The following ATXN1 variants were observed in gnomAD, a reference collection of about 807,000 sequenced individuals.
ATXN1 encodes ataxin-1.
A neutral mutation model predicts 56.4 loss-of-function variants in ATXN1; 8 were observed. The ratio of observed to expected loss-of-function variants is 0.14; its 90% CI spans 0.08 to 0.26. ATXN1 has a LOEUF of 0.26. Among genes scored for constraint, ATXN1 ranks in the 10% least tolerant of loss-of-function variants. ATXN1 has a pLI of 1.00. For synonymous variants in ATXN1, 514 were observed against 494.6 expected (o/e 1.04, Z -0.52); for missense variants, 987 against 1,106.5 (o/e 0.89, Z 1.53).
rs1758213547 is a variant in ATXN1 at position 16,385,236 on chromosome 6, T to C, written c.-160-56766A>G. On this transcript the variant is annotated intron_variant, in intron 6 of 7. Coordinates refer to ENST00000436367, the MANE Select transcript of ATXN1 (RefSeq NM_001128164.2). ...CGAGTGCCCTTCTCTCCCCAAGATA[T>C]CTCTTGAAGGTATGGAGAATCTCAG... is the stretch of plus-strand genomic sequence containing the variant. Among the ~76,000 whole-genome samples the C allele has an allele frequency of 2.6e-5, 4 of 152,056 alleles. No homozygotes were observed. In the South Asian group the frequency reaches 6.2e-4, roughly 24 times the overall value.
At chr6:16,472,570 A>G (rs79748348) in intron 6 of ATXN1, among the ~76,000 whole-genome samples, 2,363 of 152,306 alleles carry the variant, frequency 0.016, 22 homozygotes, top group African/African-American at 0.033. Flanking sequence ...TATAAAGCTC[A>G]CCAAATTTGG....
In ATXN1 at chr6:16,617,727, G is replaced by A. The variant is rs187723114; in HGVS notation, c.-488-31820C>T. 8.6e-4 allele frequency among the ~76,000 whole-genome samples: 115 copies of A among 133,876 alleles called. 1 individual carries two copies. Among genetic ancestry groups the A allele is most frequent in the Admixed American group, 6.3e-3 (71 of 11,288 alleles). The allele number at this position is 133,876 out of a possible 152,430, so 87.8% of individuals were successfully genotyped here. On this transcript the variant is annotated intron_variant, in intron 3 of 7. Coordinates refer to ENST00000436367, the MANE Select transcript of ATXN1 (RefSeq NM_001128164.2). ...GCTTGCAGTGAGCCGAGATCACGCC[G>A]CTGCACTCCTGCCTGGGCAATAGAG...
intron 2 of ATXN1, among the ~76,000 whole-genome samples, chr6:16,714,995 C>T (rs1310513441): frequency 2.6e-5 from 4 of 152,020 alleles, no homozygotes; most frequent in Admixed American, 1.3e-4. Context: ...CACTTCATTA[C>T]CTAAAGTGGA....
chr6:16,393,912 T>TC (rs60303929), intron 6 of ATXN1, among the ~76,000 whole-genome samples: 27,167 of 151,576 alleles, frequency 0.18, 3,421 homozygotes, highest in African/African-American at 0.36. Context: ...CCTTTTTTTT[T>TC]TTTTTTTTGT....
At chr6:16,446,375 A>G (rs925677152) in intron 6 of ATXN1, among the ~76,000 whole-genome samples, 1 of 152,222 alleles carries the variant, frequency 6.6e-6, no homozygotes, top group African/African-American at 2.4e-5. Flanking sequence ...ACAAAGTTAA[A>G]GTTCCTTTGG....
At chr6:16,684,435 C>T (rs1253395130) in intron 2 of ATXN1, among the ~76,000 whole-genome samples, 4 of 152,166 alleles carry the variant, frequency 2.6e-5, no homozygotes, top group Non-Finnish European at 5.9e-5. Flanking sequence ...TCAGCCCCAC[C>T]CCTTACCCAA....
At chr6:16,584,614 T>A (rs1316988403) in intron 4 of ATXN1, among the ~76,000 whole-genome samples, 1 of 151,626 alleles carries the variant, frequency 6.6e-6, no homozygotes, top group East Asian at 1.9e-4. Flanking sequence ...AACAGTACAA[T>A]TTACTTGACT....
chr6:16,368,298 G>A (rs1170113513), intron 6 of ATXN1, among the ~76,000 whole-genome samples: 1 of 146,708 alleles, frequency 6.8e-6, no homozygotes, highest in Non-Finnish European at 1.5e-5. Flanking sequence ...CCACTTTTAT[G>A]TGAGAGAAAA....
At chr6:16,422,849 G>A (rs1759064870) in intron 6 of ATXN1, among the ~76,000 whole-genome samples, 1 of 152,144 alleles carries the variant, frequency 6.6e-6, no homozygotes, top group Non-Finnish European at 1.5e-5. Flanking sequence ...CCCAACCTGG[G>A]CCAATGTGGT....
intron 2 of ATXN1, among the ~76,000 whole-genome samples, chr6:16,685,434 C>T (rs768449070): frequency 1.4e-4 from 21 of 152,164 alleles, no homozygotes; most frequent in Admixed American, 2.6e-4. Context: ...GGAGTTCCCC[C>T]GCCCACAGAC....
rs1313457322 is a variant in ATXN1, at chr6:16,639,475, G to A, written c.-489+18301C>T. Among the ~76,000 whole-genome samples the A allele has an allele frequency of 4.6e-5, 7 of 152,162 alleles. No homozygotes were observed. The East Asian group carries it at 5.8e-4, about 13-fold the overall frequency. On this transcript the variant is annotated intron_variant, in intron 3 of 7. Transcript: ENST00000436367. ...ATTACAGGCATGCCCCACCACACCC[G>A]GCTAATTTTGTATTTTTAGTAGAGA...
intron 2 of ATXN1, among the ~76,000 whole-genome samples, chr6:16,681,819 TGTGCAATG>T (rs1304120687): frequency 1.3e-5 from 2 of 152,182 alleles, no homozygotes; most frequent in African/African-American, 4.8e-5. Context: ...GCCAGCAAAA[TGTGCAATG>T]GAGACTATTT....
rs979503015 is a variant in ATXN1 at position 16,360,503 on chromosome 6, G to A, written c.-160-32033C>T. On this transcript the variant is annotated intron_variant, in intron 6 of 7. Coordinates refer to ENST00000436367, the MANE Select transcript of ATXN1 (RefSeq NM_001128164.2). ...ACACTGGCTGAGCCTCCCACATCAC[G>A]AAGCAAATGCTTGAATAAACATATG... Among the ~76,000 whole-genome samples the A allele has an allele frequency of 4.6e-5, 7 of 152,148 alleles. No homozygotes were observed. In the South Asian group the frequency reaches 6.2e-4, roughly 14 times the overall value.
rs1760155385 is a variant in ATXN1 at position 16,303,215 on chromosome 6, G to A, written c.*3114C>T. 6.6e-6 allele frequency: 1 copy of A among 152,598 alleles called. No homozygotes were observed. The highest frequency in any genetic ancestry group is 1.5e-5 in the Non-Finnish European group (1 of 68,164). The allele number at this position is 152,598 out of a possible 1,614,324, so 9.5% of individuals were successfully genotyped here. On this transcript the variant is annotated 3_prime_UTR_variant, in exon 8 of 8. Transcript: ENST00000436367. This position sits in a 1 kb window ranked among gnomAD's most constrained non-coding sequence, Gnocchi z 4.3. Reference sequence around the variant, plus strand: ...TGACTCCAGGCTACATGGCTCCAGAGTGCGTCTTAGAAATGAATCTGCCTC... The same window carrying A: ...TGACTCCAGGCTACATGGCTCCAGAATGCGTCTTAGAAATGAATCTGCCTC...
At position 16,326,481 on chromosome 6, in the gene ATXN1, G is replaced by A. The variant is rs35525606; in HGVS notation, c.1830C>T (p.Ile610=). The A allele has an allele frequency of 2.0e-3, 3,176 of 1,614,124 alleles. 42 individuals carry two copies. The African/African-American group carries it at 0.026, about 13-fold the overall frequency. Residue 610 remains isoleucine, a synonymous_variant, in exon 7 of 8, where the codon ATC becomes ATT. Transcript: ENST00000436367. This position sits in a 1 kb window ranked among gnomAD's most constrained non-coding sequence, Gnocchi z 6.6. The part of the protein sequence containing the change: ...QSAEISNDLK[I]DSSTVERIED... ...CAATCCTCTCTACGGTGCTGGAGTC[G>A]ATCTTCAGGTCGTTGCTTATCTCTG...
chr6:16,748,670 T>C (rs987411916), intron 2 of ATXN1, among the ~76,000 whole-genome samples: 1 of 152,240 alleles, frequency 6.6e-6, no homozygotes, highest in Non-Finnish European at 1.5e-5. Flanking sequence ...ATGCGTCTCA[T>C]ACATTAGATG....
At chr6:16,514,147 C>T (rs553741186) in intron 5 of ATXN1, among the ~76,000 whole-genome samples, 2 of 152,216 alleles carry the variant, frequency 1.3e-5, no homozygotes, top group East Asian at 1.9e-4. Flanking sequence ...GAAAGCAAAA[C>T]GGGAATGCAA....
intron 7 of ATXN1, among the ~76,000 whole-genome samples, chr6:16,325,974 G>A (rs1286185128): frequency 6.6e-6 from 1 of 152,194 alleles, no homozygotes; most frequent in Non-Finnish European, 1.5e-5. Flanking sequence ...AATGGGATAT[G>A]ATTGCTTTAG....
intron 3 of ATXN1, among the ~76,000 whole-genome samples, chr6:16,641,237 A>T (rs932460486): frequency 6.6e-6 from 1 of 152,244 alleles, no homozygotes; most frequent in Non-Finnish European, 1.5e-5. Context: ...TCATTGATGA[A>T]GGTGACTACA....
Sources: gnomAD v4.1 joint callset for allele counts (sites outside exome capture counted in the v4.1 genomes callset) on GRCh38, gnomAD v4.1.1 for gene constraint, Gnocchi (gnomAD v3.1) non-coding constraint, MANE v1.5 for transcripts, NCBI Gene and HGNC (gene_info 2026-07-23, HGNC 2026-07-21) for gene names.